CDH13: variants seen among roughly 807,000 people sequenced by gnomAD.
CDH13 encodes the protein cadherin 13.
In CDH13, 24 loss-of-function variants were observed where a neutral mutation model predicts 63.8. That is an observed-to-expected ratio of 0.38 (90% CI 0.27 to 0.53). CDH13 has a LOEUF of 0.53. CDH13 is among the 20% of genes least tolerant of loss of function. The probability of loss-of-function intolerance (pLI) is 0.85; values close to 1 mark genes in which losing one functional copy is unlikely to be tolerated. For synonymous variants in CDH13, 503 were observed against 355.3 expected, an observed-to-expected ratio of 1.42 and a Z score of -4.67; for missense variants, 1,049 against 903.1, an observed-to-expected ratio of 1.16 and a Z score of -2.07.
intron 2 of CDH13, among the ~76,000 whole-genome samples, chr16:83,024,810 G>A (rs868621146): frequency 6.6e-6 from 1 of 152,182 alleles, no homozygotes; most frequent in Admixed American, 6.5e-5. Context: ...TTTTGAGCAG[G>A]GCTCTGTAAT....
At chr16:83,156,978 A>G (rs2037233187) in intron 4 of CDH13, among the ~76,000 whole-genome samples, 1 of 152,192 alleles carries the variant, frequency 6.6e-6, no homozygotes, top group Non-Finnish European at 1.5e-5. Context: ...CAAGGGTGTC[A>G]TAGTTAATAA....
chr16:82,773,422 G>A (rs2035351616), intron 1 of CDH13: 1 of 152,296 alleles, frequency 6.6e-6, no homozygotes, highest in Non-Finnish European at 1.5e-5. Flanking sequence ...GGCCCCCAGG[G>A]ATCCCCTGAC....
At chr16:82,864,744 T>A (rs577679384) in intron 2 of CDH13, among the ~76,000 whole-genome samples, 2 of 152,254 alleles carry the variant, frequency 1.3e-5, no homozygotes, top group East Asian at 3.9e-4. Context: ...AAATCTCATG[T>A]CCCTTTCACA....
chr16:83,247,040 G>A (rs369648904), intron 5 of CDH13, among the ~76,000 whole-genome samples: 1 of 152,210 alleles, frequency 6.6e-6, no homozygotes, highest in East Asian at 1.9e-4. Context: ...ATCTGTAGGT[G>A]ATGGTGAGAA....
intron 2 of CDH13, among the ~76,000 whole-genome samples, chr16:82,931,895 T>G (rs2042507692): frequency 6.6e-6 from 1 of 152,088 alleles, no homozygotes; most frequent in Non-Finnish European, 1.5e-5. Context: ...GAGATTTGGG[T>G]GAGGACACAG....
intron 2 of CDH13, among the ~76,000 whole-genome samples, chr16:83,018,946 A>C (rs1227756784): frequency 6.6e-6 from 1 of 152,218 alleles, no homozygotes. Flanking sequence ...TAGGATTGGA[A>C]GATGCTCTGG....
intron 6 of CDH13, among the ~76,000 whole-genome samples, chr16:83,363,804 C>T (rs974968495): frequency 3.3e-5 from 5 of 152,044 alleles, no homozygotes; most frequent in Non-Finnish European, 7.4e-5. Context: ...TGGGCGTGCT[C>T]CTCCTCCATA....
intron 8 of CDH13, among the ~76,000 whole-genome samples, chr16:83,607,819 T>C (rs984008492): frequency 8.5e-5 from 13 of 152,338 alleles, no homozygotes; most frequent in African/African-American, 3.1e-4. Flanking sequence ...TCTGAGAAAA[T>C]CTAGTTAAAC....
At chr16:82,669,240 C>T (rs542154780) in intron 1 of CDH13, among the ~76,000 whole-genome samples, 51 of 152,316 alleles carry the variant, frequency 3.3e-4, no homozygotes, top group African/African-American at 1.1e-3. Flanking sequence ...ATTGGGTCAG[C>T]ATGTTAGATA....
At chr16:82,744,945 A>C (rs2151059907) in intron 1 of CDH13, among the ~76,000 whole-genome samples, 1 of 152,292 alleles carries the variant, frequency 6.6e-6, no homozygotes, top group East Asian at 1.9e-4. Flanking sequence ...AACACACATA[A>C]ATAGCCATAT....
At chr16:83,282,608 A>T (rs1023970287) in intron 5 of CDH13, among the ~76,000 whole-genome samples, 1 of 152,230 alleles carries the variant, frequency 6.6e-6, no homozygotes, top group Admixed American at 6.5e-5. Flanking sequence ...TGCAACATAC[A>T]TGCCAGACAG....
intron 2 of CDH13, among the ~76,000 whole-genome samples, chr16:82,941,305 C>G (rs13332702): frequency 0.048 from 7,288 of 152,186 alleles, 560 homozygotes; most frequent in African/African-American, 0.16. Context: ...CTGGGATCTC[C>G]CATTCAGTGA....
chr16:83,417,817 T>C (rs565959018), intron 6 of CDH13, among the ~76,000 whole-genome samples: 2 of 152,282 alleles, frequency 1.3e-5, no homozygotes, highest in African/African-American at 4.8e-5. Flanking sequence ...TCTGCTTTGA[T>C]GGGGAAACTG....
intron 2 of CDH13, chr16:82,925,924 G>T (rs578235270): frequency 1.3e-5 from 2 of 151,962 alleles, no homozygotes; most frequent in Non-Finnish European, 2.9e-5. Flanking sequence ...AGGTAATAAT[G>T]AGTTTTCCCA....
intron 5 of CDH13, among the ~76,000 whole-genome samples, chr16:83,262,312 G>C (rs1213287600): frequency 6.6e-6 from 1 of 152,170 alleles, no homozygotes; most frequent in Non-Finnish European, 1.5e-5. Flanking sequence ...CATTAAGTCT[G>C]CACAGCTGTG....
intron 7 of CDH13, among the ~76,000 whole-genome samples, chr16:83,549,027 G>A (rs372592318): frequency 1.3e-5 from 2 of 152,286 alleles, no homozygotes; most frequent in African/African-American, 2.4e-5. Context: ...TCCCTGTGTG[G>A]CTGTGTGCTT....
At chr16:83,289,831 G>T (rs75660109) in intron 5 of CDH13, among the ~76,000 whole-genome samples, 2 of 152,138 alleles carry the variant, frequency 1.3e-5, no homozygotes, top group Admixed American at 1.3e-4. Context: ...TAAATGATAC[G>T]TTCTATTTTA....
At chr16:83,221,447 C>A (rs2039696993) in intron 5 of CDH13, among the ~76,000 whole-genome samples, 1 of 152,042 alleles carries the variant, frequency 6.6e-6, no homozygotes, top group African/African-American at 2.4e-5. Flanking sequence ...ATGCATTTTG[C>A]CAGCATTTGA....
intron 5 of CDH13, among the ~76,000 whole-genome samples, chr16:83,316,298 T>A (rs2090103751): frequency 6.6e-6 from 1 of 152,162 alleles, no homozygotes; most frequent in Non-Finnish European, 1.5e-5. Context: ...GCAGACCATA[T>A]CACACATACA....
Sources: gnomAD v4.1 joint callset for allele counts (sites outside exome capture counted in the v4.1 genomes callset) on GRCh38, gnomAD v4.1.1 for gene constraint, MANE v1.5 for transcripts, NCBI Gene and HGNC (gene_info 2026-07-23, HGNC 2026-07-21) for gene names.